The following NOS1 variants were observed in gnomAD, a reference collection of about 807,000 sequenced individuals.
NOS1 encodes nitric oxide synthase 1.
NOS1 carries 51 observed loss-of-function variants against 164.5 expected under a neutral mutation model. The ratio of observed to expected loss-of-function variants is 0.31; its 90% CI spans 0.25 to 0.39. The LOEUF (loss-of-function observed/expected upper bound fraction) is 0.39, where lower values mean the gene tolerates loss of function less well. Among genes scored for constraint, NOS1 ranks in the 10% least tolerant of loss-of-function variants. The pLI is 1.00. For synonymous variants in NOS1, 719 were observed against 745.8 expected (o/e 0.96, Z 0.59); for missense variants, 1,362 against 1,885.6 (o/e 0.72, Z 5.14).
At chr12:117,304,177 A>C (rs1049977897) in intron 3 of NOS1, among the ~76,000 whole-genome samples, 1 of 152,160 alleles carries the variant, frequency 6.6e-6, no homozygotes, top group Non-Finnish European at 1.5e-5. Context: ...ATCTCAAAAA[A>C]AAAACCACAA....
At chr12:117,225,263 G>A in intron 24 of NOS1, 126 bp from the exon 25 acceptor site, 1 of 1,271,122 alleles carries the variant, frequency 7.9e-7, no homozygotes, top group African/African-American at 1.5e-5. Context: ...TCTTCAGCCG[G>A]GGCCAGGTGC....
chr12:117,277,668 G>A (rs749916545), intron 9 of NOS1, among the ~76,000 whole-genome samples: 5 of 152,146 alleles, frequency 3.3e-5, no homozygotes, highest in Non-Finnish European at 5.9e-5. Flanking sequence ...AAAGTATGGT[G>A]CTTCTGCTCT....
At chr12:117,315,107 A>T (rs573725900) in intron 2 of NOS1, among the ~76,000 whole-genome samples, 38 of 152,104 alleles carry the variant, frequency 2.5e-4, no homozygotes, top group Middle Eastern at 3.4e-3. Context: ...TTCTTTTTTT[A>T]AAAAAAATCC....
chr12:117,226,555 C>T (rs1868691818), intron 24 of NOS1, 128 bp downstream of exon 24: 3 of 732,074 alleles, frequency 4.1e-6, no homozygotes, highest in Non-Finnish European at 7.2e-6. Flanking sequence ...AGACGCAGGA[C>T]ATTGGTCTCC....
intron 6 of NOS1, among the ~76,000 whole-genome samples, chr12:117,285,781 G>T (rs934194132): frequency 1.3e-5 from 2 of 152,168 alleles, no homozygotes; most frequent in African/African-American, 4.8e-5. Flanking sequence ...TGCCTTCAGG[G>T]AGTAGGCAGA....
In NOS1 at chr12:117,241,751, C is replaced by T. The variant is rs563159396; in HGVS notation, c.3041+876G>A. 2.6e-5 allele frequency among the ~76,000 whole-genome samples: 4 copies of T among 152,332 alleles called. No homozygotes were observed. In the South Asian group the frequency reaches 8.3e-4, roughly 32 times the overall value. On this transcript the variant is annotated intron_variant, in intron 20 of 28. Coordinates refer to ENST00000317775, the MANE Select transcript of NOS1 (RefSeq NM_000620.5). ...GCAGCGACCGCTTTTAATGGAAGAGCAGAACGGCCATCAGAACCGCGCCTG... is the reference window on the plus strand; with the variant it reads ...GCAGCGACCGCTTTTAATGGAAGAGTAGAACGGCCATCAGAACCGCGCCTG...
intron 13 of NOS1, among the ~76,000 whole-genome samples, chr12:117,262,158 C>T (rs943915392): frequency 6.6e-6 from 1 of 152,252 alleles, no homozygotes; most frequent in East Asian, 1.9e-4. Flanking sequence ...ATAAAAGGTA[C>T]CTGGAGGGTT....
intron 2 of NOS1, among the ~76,000 whole-genome samples, chr12:117,320,695 T>A (rs1350131189): frequency 6.6e-6 from 1 of 152,176 alleles, no homozygotes; most frequent in African/African-American, 2.4e-5. Context: ...GGCCCACCCA[T>A]GTGTCCAGCC....
At chr12:117,361,041 C>T (rs1041389252) in intron 1 of NOS1, among the ~76,000 whole-genome samples, 2 of 152,144 alleles carry the variant, frequency 1.3e-5, no homozygotes, top group Non-Finnish European at 2.9e-5. Context: ...AAAGCCCGAG[C>T]CTTCCGCGCA....
At chr12:117,327,039 T>A (rs1166913778) in intron 2 of NOS1, among the ~76,000 whole-genome samples, 1 of 151,664 alleles carries the variant, frequency 6.6e-6, no homozygotes, top group East Asian at 1.9e-4. Context: ...ACTCCTGGAG[T>A]TCTGGGGGTG....
chr12:117,343,153 A>AC (rs1345213030), intron 1 of NOS1, among the ~76,000 whole-genome samples: 1 of 146,964 alleles, frequency 6.8e-6, no homozygotes, highest in Non-Finnish European at 1.5e-5. Context: ...ATATAGTAGG[A>AC]CCCCCATCTC....
At chr12:117,271,270 C>T (rs943621194) in intron 10 of NOS1, among the ~76,000 whole-genome samples, 1 of 151,000 alleles carries the variant, frequency 6.6e-6, no homozygotes. Context: ...CACAGTGATA[C>T]CGGTGGCTTT....
chr12:117,360,468 C>T (rs1178466082), intron 1 of NOS1, among the ~76,000 whole-genome samples: 1 of 152,248 alleles, frequency 6.6e-6, no homozygotes, highest in African/African-American at 2.4e-5. Flanking sequence ...CCTCGGCCTC[C>T]CTAGAGCCTC....
intron 9 of NOS1, among the ~76,000 whole-genome samples, chr12:117,275,081 C>T (rs929359178): frequency 6.6e-6 from 1 of 152,098 alleles, no homozygotes; most frequent in African/African-American, 2.4e-5. Flanking sequence ...ATACCCCATT[C>T]TCCATGATGT....
chr12:117,266,981 C>T (rs7964845), intron 11 of NOS1, among the ~76,000 whole-genome samples: 70,775 of 152,060 alleles, frequency 0.47, 17,727 homozygotes, highest in Middle Eastern at 0.58. Context: ...TCCCTCTTGC[C>T]CTGTCTCAAC....
At chr12:117,261,445 G>T (rs1287598525) in intron 13 of NOS1, among the ~76,000 whole-genome samples, 1 of 152,110 alleles carries the variant, frequency 6.6e-6, no homozygotes, top group Non-Finnish European at 1.5e-5. Context: ...CTGTCATAGG[G>T]CTCATATTCT....
intron 3 of NOS1, among the ~76,000 whole-genome samples, chr12:117,308,335 C>T (rs532911421): frequency 1.7e-4 from 26 of 152,138 alleles, no homozygotes; most frequent in African/African-American, 5.8e-4. Flanking sequence ...AGCAAGATCC[C>T]GTTTCTACAA....
intron 13 of NOS1, among the ~76,000 whole-genome samples, chr12:117,261,569 G>T (rs1871912273): frequency 6.6e-6 from 1 of 152,176 alleles, no homozygotes; most frequent in Non-Finnish European, 1.5e-5. Flanking sequence ...GGTCCACAAG[G>T]GAAGGACCAG....
intron 1 of NOS1, among the ~76,000 whole-genome samples, chr12:117,334,639 C>T (rs1593031500): frequency 6.6e-6 from 1 of 152,328 alleles, no homozygotes; most frequent in South Asian, 2.1e-4. Flanking sequence ...AAGTGATCCG[C>T]CTGCCTCAGC....
Sources: gnomAD v4.1 joint callset for allele counts (sites outside exome capture counted in the v4.1 genomes callset) on GRCh38, gnomAD v4.1.1 for gene constraint, MANE v1.5 for transcripts, NCBI Gene and HGNC (gene_info 2026-07-23, HGNC 2026-07-21) for gene names.